GLRA3: variants seen among roughly 807,000 people sequenced by gnomAD.
GLRA3 encodes glycine receptor subunit alpha-3.
GLRA3 carries 44 observed loss-of-function variants against 60.4 expected under a neutral mutation model. That is an observed-to-expected ratio of 0.73 (90% CI 0.57 to 0.94). GLRA3 has a LOEUF of 0.94. Ranked by LOEUF, GLRA3 falls within the 40% of genes least tolerant of loss-of-function variation. GLRA3 has a pLI of 0.00. For missense variants in GLRA3, 508 were observed against 564.6 expected, an observed-to-expected ratio of 0.90 and a Z score of 1.02; for synonymous variants, 223 against 192.9, an observed-to-expected ratio of 1.16 and a Z score of -1.29.
At chr4:174,710,122 TTGA>T (rs1185158093) in intron 5 of GLRA3, among the ~76,000 whole-genome samples, 1 of 152,090 alleles carries the variant, frequency 6.6e-6, no homozygotes, top group Non-Finnish European at 1.5e-5. Context: ...TTTCTAAAAC[TTGA>T]TGATGCTGTC....
chr4:174,699,082 C>A (rs1289526962), intron 5 of GLRA3, among the ~76,000 whole-genome samples: 1 of 151,612 alleles, frequency 6.6e-6, no homozygotes, highest in Non-Finnish European at 1.5e-5. Flanking sequence ...ACTGCAACCT[C>A]CACTTCCCAG....
At chr4:174,767,122 TTA>T in intron 2 of GLRA3, 92 bp from the exon 3 acceptor site, 1 of 640,184 alleles carries the variant, frequency 1.6e-6, no homozygotes, top group Non-Finnish European at 2.8e-6. Flanking sequence ...TTATTCCATT[TTA>T]CACACACACA....
intron 5 of GLRA3, among the ~76,000 whole-genome samples, chr4:174,689,754 A>T (rs1167520007): frequency 1.1e-5 from 1 of 92,146 alleles, no homozygotes; most frequent in Non-Finnish European, 2.2e-5. Flanking sequence ...GGTAAGTCGC[A>T]TTAAAAAAAA....
intron 3 of GLRA3, among the ~76,000 whole-genome samples, chr4:174,741,422 G>C (rs965922893): frequency 6.6e-6 from 1 of 152,194 alleles, no homozygotes; most frequent in East Asian, 1.9e-4. Flanking sequence ...CTCATTAAAA[G>C]TATTGTTTTT....
chr4:174,762,531 G>A (rs1002814751), intron 3 of GLRA3, among the ~76,000 whole-genome samples: 3 of 152,070 alleles, frequency 2.0e-5, no homozygotes, highest in African/African-American at 7.2e-5. Flanking sequence ...CATAGGGTTA[G>A]AGAAATCACA....
intron 5 of GLRA3, among the ~76,000 whole-genome samples, chr4:174,711,196 A>G (rs1192372621): frequency 2.0e-5 from 3 of 151,740 alleles, no homozygotes; most frequent in Non-Finnish European, 4.4e-5. Context: ...GTTGATTCAT[A>G]AGAGGTTACT....
chr4:174,817,562 C>T (rs1740558465), intron 1 of GLRA3, among the ~76,000 whole-genome samples: 1 of 152,146 alleles, frequency 6.6e-6, no homozygotes, highest in Admixed American at 6.6e-5. Context: ...TTCTACTATA[C>T]AATGAATTTT....
intron 1 of GLRA3, among the ~76,000 whole-genome samples, chr4:174,791,601 T>C (rs538431543): frequency 6.6e-6 from 1 of 152,294 alleles, no homozygotes; most frequent in Non-Finnish European, 1.5e-5. Context: ...CATACTTTCT[T>C]TTTAGCTCTT....
At chr4:174,740,603 T>C (rs978253728) in intron 3 of GLRA3, among the ~76,000 whole-genome samples, 1 of 152,250 alleles carries the variant, frequency 6.6e-6, no homozygotes, top group East Asian at 1.9e-4. Context: ...TTTTAAGCCA[T>C]TTTATTGTTG....
intron 3 of GLRA3, among the ~76,000 whole-genome samples, chr4:174,753,963 A>ATTTTTTTTT (rs34815169): frequency 1.3e-5 from 2 of 150,688 alleles, no homozygotes; most frequent in Non-Finnish European, 3.0e-5. Context: ...CAGGATACAG[A>ATTTTTTTTT]TTTTTTTTTT....
chr4:174,802,644 C>A (rs1395332983), intron 1 of GLRA3, among the ~76,000 whole-genome samples: 1 of 152,002 alleles, frequency 6.6e-6, no homozygotes, highest in African/African-American at 2.4e-5. Context: ...CTCGTTGTCT[C>A]AGTGATTGGC....
chr4:174,757,242 A>G (rs1293840428), intron 3 of GLRA3, among the ~76,000 whole-genome samples: 2 of 150,392 alleles, frequency 1.3e-5, no homozygotes, highest in East Asian at 4.0e-4. Context: ...ATTAGAAACA[A>G]TTGGTAAATA....
intron 2 of GLRA3, among the ~76,000 whole-genome samples, chr4:174,776,257 C>T (rs749798315): frequency 8.5e-5 from 13 of 152,148 alleles, no homozygotes; most frequent in Non-Finnish European, 1.6e-4. Context: ...AAGCTCAACA[C>T]TCACCTAAAG....
intron 5 of GLRA3, among the ~76,000 whole-genome samples, chr4:174,706,147 G>A (rs1217241472): frequency 1.3e-5 from 2 of 151,790 alleles, no homozygotes; most frequent in South Asian, 2.1e-4. Flanking sequence ...GGAGAATGGC[G>A]TGAACCCGGG....
intron 3 of GLRA3, among the ~76,000 whole-genome samples, chr4:174,734,923 C>T (rs150703559): frequency 1.3e-5 from 2 of 152,256 alleles, no homozygotes; most frequent in East Asian, 1.9e-4. Flanking sequence ...AGTTTGTGGG[C>T]ACCTCGATTT....
At chr4:174,746,033 C>G (rs1372175175) in intron 3 of GLRA3, among the ~76,000 whole-genome samples, 1 of 152,038 alleles carries the variant, frequency 6.6e-6, no homozygotes, top group Admixed American at 6.6e-5. Context: ...AGAACTCATA[C>G]ACTCTTGGCA....
rs1459924499 is a variant in GLRA3 at position 174,677,209 on chromosome 4, G to A, written c.796C>T (p.Leu266=). 1 of 1,611,952 alleles carries A rather than the reference G, an allele frequency of 6.2e-7. No individual in the cohort carries two copies. Among genetic ancestry groups the A allele is most frequent in the African/African-American group, 1.3e-5 (1 of 74,848 alleles). ...YLIQMYIPSL[L]IVILSWVSFW... ...GAAACCCAGGATAGAATAACAATCA[G>A]GAGACTGGGAATGTACATCTGGATC... Residue 266 remains leucine, a synonymous_variant, in exon 7 of 10, where the codon CTG becomes TTG. Coordinates refer to ENST00000274093, the MANE Select transcript of GLRA3 (RefSeq NM_006529.4).
intron 4 of GLRA3, among the ~76,000 whole-genome samples, chr4:174,717,764 T>G (rs1561074740): frequency 6.6e-6 from 1 of 152,224 alleles, no homozygotes; most frequent in Non-Finnish European, 1.5e-5. Context: ...AAGGCAATTT[T>G]AAAATTAGGT....
intron 3 of GLRA3, among the ~76,000 whole-genome samples, chr4:174,730,951 A>G (rs988119786): frequency 6.6e-6 from 1 of 152,220 alleles, no homozygotes; most frequent in African/African-American, 2.4e-5. Flanking sequence ...ACAGTTAATA[A>G]TAATGTATAT....
Sources: gnomAD v4.1 joint callset for allele counts (sites outside exome capture counted in the v4.1 genomes callset) on GRCh38, gnomAD v4.1.1 for gene constraint, MANE v1.5 for transcripts, NCBI Gene and HGNC (gene_info 2026-07-23, HGNC 2026-07-21) for gene names.